PDZD2: variants seen among roughly 807,000 people sequenced by gnomAD.
The protein encoded by PDZD2 is PDZ domain-containing protein 2.
Under a neutral mutation model 220.7 loss-of-function variants are expected in PDZD2, and 90 were observed. That is an observed-to-expected ratio of 0.41 (90% CI 0.34 to 0.49). The LOEUF (loss-of-function observed/expected upper bound fraction) is 0.49, where lower values mean the gene tolerates loss of function less well. PDZD2 is among the 20% of genes least tolerant of loss of function. The pLI is 0.28. For missense variants in PDZD2, 3,174 were observed against 3,608.5 expected, an observed-to-expected ratio of 0.88 and a Z score of 3.08; for synonymous variants, 1,375 against 1,450.5, an observed-to-expected ratio of 0.95 and a Z score of 1.18.
At chr5:31,963,073 G>T (rs944162544) in intron 2 of PDZD2, among the ~76,000 whole-genome samples, 2 of 152,086 alleles carry the variant, frequency 1.3e-5, no homozygotes, top group Non-Finnish European at 2.9e-5. Flanking sequence ...TCTAAAACAT[G>T]TTTGTGGCTC....
chr5:32,101,012 A>G, intron 23 of PDZD2, 93 bp from the exon 24 acceptor site: 1 of 1,591,278 alleles, frequency 6.3e-7, no homozygotes, highest in South Asian at 1.1e-5. Context: ...CCAGAAGTAC[A>G]TGGGGCTGGA....
chr5:31,646,180 T>C lies in PDZD2; in HGVS notation c.-361+6743T>C, dbSNP rs1745129414. On this transcript the variant is annotated intron_variant, in intron 1 of 24. Coordinates refer to ENST00000438447, the MANE Select transcript of PDZD2 (RefSeq NM_178140.4). The surrounding 1 kb of genome is among the most constrained non-coding windows in gnomAD (Gnocchi z 4.7). ...GATGCCTGTCTAAGGTGAACCTGGCTTGTCCTGTTTACACGTCCTGGGATG... is the reference window on the plus strand; with the variant it reads ...GATGCCTGTCTAAGGTGAACCTGGCCTGTCCTGTTTACACGTCCTGGGATG... Among the ~76,000 whole-genome samples the C allele has an allele frequency of 6.6e-6, 1 of 152,212 alleles. No homozygotes were observed. Among genetic ancestry groups the C allele is most frequent in the Admixed American group, 6.5e-5 (1 of 15,284 alleles).
intron 1 of PDZD2, among the ~76,000 whole-genome samples, chr5:31,715,984 T>C (rs1475806926): frequency 6.6e-6 from 1 of 152,222 alleles, no homozygotes; most frequent in Admixed American, 6.5e-5. Flanking sequence ...CTACAGGGTA[T>C]ATGGAGAAGG....
At chr5:31,774,792 G>A (rs553909998) in intron 1 of PDZD2, among the ~76,000 whole-genome samples, 1 of 151,892 alleles carries the variant, frequency 6.6e-6, no homozygotes, top group South Asian at 2.1e-4. Context: ...GTGTTTTAAT[G>A]TTTTAGCTAT....
chr5:32,011,384 A>C (rs1294464603), intron 6 of PDZD2, among the ~76,000 whole-genome samples: 1 of 151,718 alleles, frequency 6.6e-6, no homozygotes, highest in Non-Finnish European at 1.5e-5. Flanking sequence ...CTGTAGTCTC[A>C]GCTACTCAGG....
intron 1 of PDZD2, among the ~76,000 whole-genome samples, chr5:31,698,448 A>T (rs559130018): frequency 1.0e-3 from 153 of 151,114 alleles, no homozygotes; most frequent in African/African-American, 3.5e-3. Flanking sequence ...TACAAAAAAA[A>T]ATTAGCCAGG....
intron 1 of PDZD2, among the ~76,000 whole-genome samples, chr5:31,798,343 C>G (rs374993869): frequency 6.6e-6 from 1 of 152,092 alleles, no homozygotes; most frequent in African/African-American, 2.4e-5. Flanking sequence ...TACAGGATGG[C>G]GAAGTTTAGG....
chr5:31,764,518 C>G (rs1437926680), intron 1 of PDZD2, among the ~76,000 whole-genome samples: 1 of 152,178 alleles, frequency 6.6e-6, no homozygotes, highest in Non-Finnish European at 1.5e-5. Context: ...ATTTGAACAA[C>G]AAACAAAACT....
chr5:31,683,138 G>A (rs1746714285), intron 1 of PDZD2, among the ~76,000 whole-genome samples: 1 of 147,954 alleles, frequency 6.8e-6, no homozygotes, highest in South Asian at 2.1e-4. Context: ...AACTTTTACA[G>A]CTTGGCTTTG....
At chr5:32,063,370 A>G (rs897697350) in intron 14 of PDZD2, among the ~76,000 whole-genome samples, 9 of 152,108 alleles carry the variant, frequency 5.9e-5, no homozygotes, top group Non-Finnish European at 1.2e-4. Context: ...TCTTACTTAC[A>G]AGTTTTACTT....
chr5:31,693,219 C>T (rs1418892623), intron 1 of PDZD2, among the ~76,000 whole-genome samples: 1 of 126,916 alleles, frequency 7.9e-6, no homozygotes, highest in Non-Finnish European at 1.6e-5. Context: ...GGGGTGGGGG[C>T]AGGAGGATAG....
chr5:31,640,101 C>T (rs1744892812), intron 1 of PDZD2, among the ~76,000 whole-genome samples: 1 of 152,210 alleles, frequency 6.6e-6, no homozygotes, highest in Non-Finnish European at 1.5e-5. Flanking sequence ...CTCCCTCCCT[C>T]GGGTTTGCGT....
chr5:32,047,944 A>T (rs1370001626), intron 7 of PDZD2, among the ~76,000 whole-genome samples: 1 of 152,182 alleles, frequency 6.6e-6, no homozygotes, highest in Non-Finnish European at 1.5e-5. Flanking sequence ...AAAAGCTGGG[A>T]TAATGGTTAC....
chr5:31,696,195 G>A (rs964134422), intron 1 of PDZD2, among the ~76,000 whole-genome samples: 1 of 152,096 alleles, frequency 6.6e-6, no homozygotes, highest in Non-Finnish European at 1.5e-5. Flanking sequence ...GCACCTAGAG[G>A]GGTTCAATCA....
At chr5:32,063,531 C>T (rs979751264) in intron 14 of PDZD2, among the ~76,000 whole-genome samples, 1 of 152,140 alleles carries the variant, frequency 6.6e-6, no homozygotes, top group Non-Finnish European at 1.5e-5. Flanking sequence ...GTGAAGCAGG[C>T]AGGCAGGCTG....
chr5:32,088,668 T>A lies in PDZD2; in HGVS notation c.5220T>A (p.Asp1740Glu). 6.2e-7 allele frequency: 1 copy of A among 1,614,064 alleles called. No homozygotes were observed. Among genetic ancestry groups the A allele is most frequent in the Non-Finnish European group, 8.5e-7 (1 of 1,179,932 alleles). Residue 1740 changes from aspartate (D) to glutamate (E), a missense_variant, in exon 20 of 25, where the codon GAT becomes GAA. Asp to Glu is a conservative substitution (Grantham distance 45). Transcript: ENST00000438447. The surrounding 1 kb of genome is among the most constrained non-coding windows in gnomAD (Gnocchi z 4.6). ...ATGGCTTGGAACATGACCTGCTAGA[T>A]GACGAAACCCTGAATCAATACGAAA... Reference protein sequence around the residue: ...MVNGLEHDLLDDETLNQYETS... With the variant: ...MVNGLEHDLLEDETLNQYETS...
intron 2 of PDZD2, among the ~76,000 whole-genome samples, chr5:31,925,568 T>C (rs148462515): frequency 1.5e-3 from 229 of 152,230 alleles, no homozygotes; most frequent in African/African-American, 5.3e-3. Context: ...AATTGATGGC[T>C]AAGTCCTCAA....
intron 1 of PDZD2, among the ~76,000 whole-genome samples, chr5:31,714,738 A>G (rs1350273614): frequency 6.6e-6 from 1 of 152,106 alleles, no homozygotes; most frequent in Non-Finnish European, 1.5e-5. Flanking sequence ...ACAGACACAT[A>G]ATTTATGTTA....
chr5:31,805,598 G>T (rs894464727), intron 2 of PDZD2, among the ~76,000 whole-genome samples: 6 of 152,132 alleles, frequency 3.9e-5, no homozygotes, highest in Non-Finnish European at 5.9e-5. Context: ...TACAGCTGTC[G>T]TATGAAGGAC....
Sources: gnomAD v4.1 joint callset for allele counts (sites outside exome capture counted in the v4.1 genomes callset) on GRCh38, gnomAD v4.1.1 for gene constraint, Gnocchi (gnomAD v3.1) non-coding constraint, MANE v1.5 for transcripts, NCBI Gene and HGNC (gene_info 2026-07-23, HGNC 2026-07-21) for gene names.